GRIK4: variants seen among roughly 807,000 people sequenced by gnomAD.
The protein encoded by GRIK4 is glutamate receptor ionotropic, kainate 4.
GRIK4 carries 40 observed loss-of-function variants against 104.9 expected under a neutral mutation model. The observed-to-expected ratio is 0.38, with a 90% CI of 0.30 to 0.50. The LOEUF (loss-of-function observed/expected upper bound fraction) is 0.50, where lower values mean the gene tolerates loss of function less well. Among genes scored for constraint, GRIK4 ranks in the 20% least tolerant of loss-of-function variants. The probability of loss-of-function intolerance (pLI) is 0.93; values close to 1 mark genes in which losing one functional copy is unlikely to be tolerated. For synonymous variants in GRIK4, 485 were observed against 524.9 expected, an observed-to-expected ratio of 0.92 and a Z score of 1.04; for missense variants, 1,047 against 1,308.1, an observed-to-expected ratio of 0.80 and a Z score of 3.08.
intron 1 of GRIK4, among the ~76,000 whole-genome samples, chr11:120,589,276 C>T (rs1030123283): frequency 1.7e-4 from 26 of 152,212 alleles, no homozygotes; most frequent in Admixed American, 1.2e-3. Flanking sequence ...AGCCGCTGCA[C>T]TACATCGTTT....
intron 11 of GRIK4, among the ~76,000 whole-genome samples, chr11:120,877,928 C>A (rs956913980): frequency 6.6e-6 from 1 of 152,220 alleles, no homozygotes; most frequent in African/African-American, 2.4e-5. Context: ...GCAGAGCTGG[C>A]TGGTAGCCCT....
chr11:120,901,382 A>G (rs1942734612), intron 12 of GRIK4, among the ~76,000 whole-genome samples: 1 of 151,120 alleles, frequency 6.6e-6, no homozygotes, highest in South Asian at 2.1e-4. Context: ...TGCCTGGGTT[A>G]CCCTTCCCTC....
At chr11:120,976,412 T>C (rs973497978) in intron 19 of GRIK4, among the ~76,000 whole-genome samples, 5 of 152,246 alleles carry the variant, frequency 3.3e-5, no homozygotes, top group African/African-American at 9.6e-5. Flanking sequence ...CGTTTCAACA[T>C]GATGAATCAC....
intron 8 of GRIK4, among the ~76,000 whole-genome samples, chr11:120,849,537 C>T (rs192734401): frequency 5.3e-4 from 81 of 152,304 alleles, no homozygotes; most frequent in Non-Finnish European, 1.0e-3. Context: ...TCACAATAGG[C>T]GCTGCTGGCT....
Position 120,519,154 on chromosome 11 carries a change from A to G in GRIK4, c.-159+7267A>G, listed in dbSNP as rs551883586. On this transcript the variant is annotated intron_variant, in intron 1 of 20. Coordinates refer to ENST00000527524, the MANE Select transcript of GRIK4 (RefSeq NM_014619.5). ...AGGCTGACACATAGCTGTGAATTCA[A>G]CAATGATGATGACAATAATAATAGC... is the stretch of plus-strand genomic sequence containing the variant. 2.0e-5 allele frequency among the ~76,000 whole-genome samples: 3 copies of G among 152,312 alleles called. No individual in the cohort carries two copies. In the East Asian group the frequency reaches 5.8e-4, roughly 29 times the overall value.
At chr11:120,898,669 C>T in intron 12 of GRIK4, 30 bp downstream of exon 12, 1 of 1,299,316 alleles carries the variant, frequency 7.7e-7, no homozygotes, top group Non-Finnish European at 1.1e-6. Context: ...CTCCCAGCTG[C>T]AGCATCCTGG....
chr11:120,558,502 C>A (rs1034451097), intron 1 of GRIK4, among the ~76,000 whole-genome samples: 2 of 152,116 alleles, frequency 1.3e-5, no homozygotes, highest in Non-Finnish European at 2.9e-5. Context: ...GCAGGAGAAT[C>A]GCTTGAACCC....
At chr11:120,519,226 C>T (rs1433839069) in intron 1 of GRIK4, among the ~76,000 whole-genome samples, 1 of 152,174 alleles carries the variant, frequency 6.6e-6, no homozygotes, top group Non-Finnish European at 1.5e-5. Context: ...ATGCAAAGTA[C>T]TTTCCATATA....
intron 1 of GRIK4, among the ~76,000 whole-genome samples, chr11:120,529,427 C>A (rs1437221259): frequency 1.3e-5 from 2 of 152,224 alleles, no homozygotes; most frequent in East Asian, 3.9e-4. Context: ...CCACCTTAGT[C>A]TGAGCCCCTA....
chr11:120,983,002 A>G (rs944856271), intron 20 of GRIK4, among the ~76,000 whole-genome samples: 93 of 152,186 alleles, frequency 6.1e-4, no homozygotes, highest in African/African-American at 2.2e-3. Context: ...CTGCTTCTGC[A>G]TGCGTAGAGC....
chr11:120,815,136 G>A (rs1401591515), intron 4 of GRIK4, among the ~76,000 whole-genome samples: 1 of 152,256 alleles, frequency 6.6e-6, no homozygotes, highest in Non-Finnish European at 1.5e-5. Flanking sequence ...GCCGTATGTT[G>A]TCATAACCTG....
At chr11:120,875,973 T>A (rs1490507025) in intron 11 of GRIK4, among the ~76,000 whole-genome samples, 4 of 152,064 alleles carry the variant, frequency 2.6e-5, no homozygotes, top group African/African-American at 4.8e-5. Flanking sequence ...TAGAAAAGGC[T>A]GGTAAGTAGG....
chr11:120,576,950 T>G (rs1948493479), intron 1 of GRIK4, among the ~76,000 whole-genome samples: 1 of 152,200 alleles, frequency 6.6e-6, no homozygotes, highest in Non-Finnish European at 1.5e-5. Context: ...CTCCCTGTTC[T>G]CCTAAGCTTG....
intron 1 of GRIK4, among the ~76,000 whole-genome samples, chr11:120,545,707 G>A (rs1948079692): frequency 6.6e-6 from 1 of 152,212 alleles, no homozygotes; most frequent in Non-Finnish European, 1.5e-5. Context: ...GAATGAAAGG[G>A]AGGAGAACTG....
chr11:120,617,316 A>G (rs950932139), intron 1 of GRIK4, among the ~76,000 whole-genome samples: 1 of 152,198 alleles, frequency 6.6e-6, no homozygotes, highest in East Asian at 1.9e-4. Context: ...ACAGCTGACT[A>G]AGAAGATTAA....
chr11:120,684,254 T>C (rs1950241513), intron 3 of GRIK4, among the ~76,000 whole-genome samples: 1 of 152,114 alleles, frequency 6.6e-6, no homozygotes, highest in African/African-American at 2.4e-5. Context: ...GCCTGGGAGA[T>C]TGAGGCTGCA....
At chr11:120,839,419 T>G (rs1953660843) in intron 8 of GRIK4, among the ~76,000 whole-genome samples, 1 of 152,216 alleles carries the variant, frequency 6.6e-6, no homozygotes, top group African/African-American at 2.4e-5. Context: ...TTAACCTTTC[T>G]GAGCCCCAGG....
Position 120,572,282 on chromosome 11 carries a change from A to G in GRIK4, c.-159+60395A>G, listed in dbSNP as rs114812125. On this transcript the variant is annotated intron_variant, in intron 1 of 20. Transcript: ENST00000527524. ...CGTCACCTTGGGGGGTAAGACGTTC[A>G]ACACCGGAATTTTGAGGGATGACAC... Among the ~76,000 whole-genome samples, 450 of 152,290 alleles carry G rather than the reference A, an allele frequency of 3.0e-3. 2 individuals carry two copies. The highest frequency in any genetic ancestry group is 0.01 in the African/African-American group (426 of 41,550).
At chr11:120,826,300 C>G (rs79304595) in intron 6 of GRIK4, among the ~76,000 whole-genome samples, 8,165 of 152,168 alleles carry the variant, frequency 0.054, 245 homozygotes, top group Middle Eastern at 0.092. Flanking sequence ...CAGTATGGGA[C>G]GACCGAGACC....
Sources: gnomAD v4.1 joint callset for allele counts (sites outside exome capture counted in the v4.1 genomes callset) on GRCh38, gnomAD v4.1.1 for gene constraint, MANE v1.5 for transcripts, NCBI Gene and HGNC (gene_info 2026-07-23, HGNC 2026-07-21) for gene names.